The following TMEM132D variants were observed in gnomAD, a reference collection of about 807,000 sequenced individuals.
TMEM132D encodes transmembrane protein 132D.
A neutral mutation model predicts 62.3 loss-of-function variants in TMEM132D; 21 were observed. The observed-to-expected ratio is 0.34, with a 90% CI of 0.24 to 0.49. TMEM132D has a LOEUF of 0.49. Ranked by LOEUF, TMEM132D falls within the 20% of genes least tolerant of loss-of-function variation. The pLI, the probability that TMEM132D is intolerant of heterozygous loss-of-function variation, is 0.99. For missense variants in TMEM132D, 1,346 were observed against 1,402.8 expected (o/e 0.96, Z 0.65); for synonymous variants, 621 against 575.6 (o/e 1.08, Z -1.13).
At chr12:129,101,204 A>C (rs1255380829) in intron 5 of TMEM132D, among the ~76,000 whole-genome samples, 2 of 152,246 alleles carry the variant, frequency 1.3e-5, no homozygotes, top group African/African-American at 4.8e-5. Flanking sequence ...TAAGCTCTGC[A>C]GTGCCCATGG....
chr12:129,542,179 A>G (rs1876599756), intron 2 of TMEM132D, among the ~76,000 whole-genome samples: 1 of 152,146 alleles, frequency 6.6e-6, no homozygotes, highest in Non-Finnish European at 1.5e-5. Context: ...ACTAACTTCC[A>G]TGTTCCCAGG....
intron 5 of TMEM132D, among the ~76,000 whole-genome samples, chr12:129,099,426 G>T (rs78933274): frequency 0.013 from 1,931 of 152,314 alleles, 42 homozygotes; most frequent in African/African-American, 0.043. Context: ...GAATTTGACA[G>T]AAGTCTGAGC....
intron 1 of TMEM132D, among the ~76,000 whole-genome samples, chr12:129,764,545 T>A (rs574480106): frequency 6.6e-6 from 1 of 152,008 alleles, no homozygotes; most frequent in East Asian, 1.9e-4. Flanking sequence ...TAAAAAAAAA[T>A]GCTATTACGT....
intron 4 of TMEM132D, among the ~76,000 whole-genome samples, chr12:129,281,005 T>C (rs6486443): frequency 0.9 from 137,092 of 152,052 alleles, 62,492 homozygotes; most frequent in Non-Finnish European, 0.98. Flanking sequence ...GGTCCATCTA[T>C]ACTCTTTACT....
chr12:129,081,231 C>T (rs1368340341), intron 7 of TMEM132D, among the ~76,000 whole-genome samples: 1 of 152,220 alleles, frequency 6.6e-6, no homozygotes, highest in Admixed American at 6.5e-5. Context: ...TGGGAGCCAG[C>T]CCAGAGTTTC....
At chr12:129,848,709 A>C (rs1198082968) in intron 1 of TMEM132D, among the ~76,000 whole-genome samples, 1 of 152,154 alleles carries the variant, frequency 6.6e-6, no homozygotes, top group Non-Finnish European at 1.5e-5. Context: ...ATTTCATGAA[A>C]ATTCAAAATA....
intron 5 of TMEM132D, among the ~76,000 whole-genome samples, chr12:129,090,002 C>T (rs1053878947): frequency 6.6e-6 from 1 of 152,224 alleles, no homozygotes; most frequent in Admixed American, 6.5e-5. Flanking sequence ...AATGACTTGG[C>T]TGTTCAAACA....
At chr12:129,744,439 C>T (rs1393481705) in intron 1 of TMEM132D, among the ~76,000 whole-genome samples, 1 of 152,128 alleles carries the variant, frequency 6.6e-6, no homozygotes, top group Admixed American at 6.6e-5. Context: ...CTGGAGCAGA[C>T]AGTCTGAAAT....
chr12:129,223,289 T>A (rs1049807589), intron 4 of TMEM132D, among the ~76,000 whole-genome samples: 7 of 151,778 alleles, frequency 4.6e-5, no homozygotes, highest in African/African-American at 1.7e-4. Context: ...CGAGGCTAGG[T>A]CCTAAAAGCC....
At chr12:129,490,929 C>T (rs1874773495) in intron 3 of TMEM132D, among the ~76,000 whole-genome samples, 2 of 152,210 alleles carry the variant, frequency 1.3e-5, no homozygotes, top group African/African-American at 4.8e-5. Flanking sequence ...CCTGCCTACC[C>T]CCTACTCTGA....
At chr12:129,171,712 T>C (rs767456761) in intron 5 of TMEM132D, among the ~76,000 whole-genome samples, 2 of 152,196 alleles carry the variant, frequency 1.3e-5, no homozygotes, top group African/African-American at 4.8e-5. Context: ...TGCATTGTCA[T>C]TAAGCAGGAA....
intron 3 of TMEM132D, among the ~76,000 whole-genome samples, chr12:129,361,342 C>A (rs552309570): frequency 2.0e-5 from 3 of 152,182 alleles, no homozygotes; most frequent in Non-Finnish European, 4.4e-5. Context: ...CAATGTCTCT[C>A]TCCACTGGCT....
chr12:129,502,126 A>G (rs1875166171), intron 3 of TMEM132D, among the ~76,000 whole-genome samples: 1 of 151,832 alleles, frequency 6.6e-6, no homozygotes, highest in South Asian at 2.1e-4. Context: ...CAGCCTCCCG[A>G]GTAGCTGGGA....
intron 1 of TMEM132D, among the ~76,000 whole-genome samples, chr12:129,764,494 G>C (rs1217206799): frequency 6.6e-6 from 1 of 152,072 alleles, no homozygotes; most frequent in African/African-American, 2.4e-5. Context: ...AGAGATTTTA[G>C]TAACAACCAG....
chr12:129,401,639 G>A (rs73424394), intron 3 of TMEM132D, among the ~76,000 whole-genome samples: 25,209 of 152,086 alleles, frequency 0.17, 2,335 homozygotes, highest in East Asian at 0.36. Context: ...CACCCTAACC[G>A]TGTGAGGCAG....
At chr12:129,638,681 C>T (rs1356835925) in intron 2 of TMEM132D, among the ~76,000 whole-genome samples, 11 of 151,390 alleles carry the variant, frequency 7.3e-5, no homozygotes, top group Admixed American at 6.6e-4. Flanking sequence ...GGAATTCTTT[C>T]TGCAGTTTCC....
chr12:129,691,069 A>T (rs548579680), intron 2 of TMEM132D, among the ~76,000 whole-genome samples: 9 of 152,198 alleles, frequency 5.9e-5, no homozygotes, highest in African/African-American at 2.2e-4. Context: ...TTAATTAAAA[A>T]CACACTTCTC....
At chr12:129,485,524 A>T (rs188654439) in intron 3 of TMEM132D, among the ~76,000 whole-genome samples, 205 of 152,284 alleles carry the variant, frequency 1.3e-3, no homozygotes, top group African/African-American at 4.8e-3. Flanking sequence ...AATGGGCCAA[A>T]CCCACTTCCA....
At chr12:129,680,833 C>A (rs1410163692) in intron 2 of TMEM132D, among the ~76,000 whole-genome samples, 1 of 152,094 alleles carries the variant, frequency 6.6e-6, no homozygotes, top group East Asian at 1.9e-4. Flanking sequence ...TTAAAAGAGG[C>A]CAAGAGTAAG....
Sources: allele counts gnomAD v4.1 joint callset (sites outside exome capture counted in the v4.1 genomes callset), GRCh38; gene constraint gnomAD v4.1.1; transcripts MANE v1.5; gene names NCBI Gene and HGNC (gene_info 2026-07-23, HGNC 2026-07-21).